Variants in NCAM2 observed in about 807,000 individuals in gnomAD.
NCAM2 encodes N-CAM-2.
A neutral mutation model predicts 98.1 loss-of-function variants in NCAM2; 30 were observed. The observed-to-expected ratio is 0.31, with a 90% CI of 0.23 to 0.41. NCAM2 has a LOEUF of 0.41. Among genes scored for constraint, NCAM2 ranks in the 10% least tolerant of loss-of-function variants. The pLI is 1.00. For synonymous variants in NCAM2, 368 were observed against 342.4 expected (o/e 1.07, Z -0.83); for missense variants, 867 against 1,005.8 (o/e 0.86, Z 1.87).
intron 6 of NCAM2, among the ~76,000 whole-genome samples, chr21:21,332,082 T>C (rs1367458408): frequency 6.6e-6 from 1 of 151,790 alleles, no homozygotes; most frequent in East Asian, 1.9e-4. Flanking sequence ...ATTTTGTACT[T>C]TTTGTAGAAA....
intron 10 of NCAM2, among the ~76,000 whole-genome samples, chr21:21,417,307 G>T (rs1449352737): frequency 1.3e-5 from 2 of 152,042 alleles, no homozygotes; most frequent in Admixed American, 1.3e-4. Flanking sequence ...TAAGGAAAAT[G>T]AATATTTTAA....
At chr21:21,520,831 G>A (rs1988974771) in intron 16 of NCAM2, among the ~76,000 whole-genome samples, 1 of 152,078 alleles carries the variant, frequency 6.6e-6, no homozygotes, top group South Asian at 2.1e-4. Context: ...TGTTATTGAT[G>A]AATTGGTAGA....
At chr21:21,159,576 A>G (rs2067718923) in intron 1 of NCAM2, among the ~76,000 whole-genome samples, 1 of 152,196 alleles carries the variant, frequency 6.6e-6, no homozygotes, top group Admixed American at 6.5e-5. Flanking sequence ...TTAGTATACT[A>G]ACATGCTATA....
At position 21,104,594 on chromosome 21, in the gene NCAM2, T is replaced by C. The variant is rs1342301520; in HGVS notation, c.55+105976T>C. Among the ~76,000 whole-genome samples, 3 of 152,112 alleles carry C rather than the reference T, an allele frequency of 2.0e-5. No homozygotes were observed. In the East Asian group the frequency reaches 5.8e-4, roughly 29 times the overall value. On this transcript the variant is annotated intron_variant, in intron 1 of 17. Coordinates refer to ENST00000400546, the MANE Select transcript of NCAM2 (RefSeq NM_004540.5). The stretch of plus-strand genomic sequence containing the variant: ...CAGAATTAGAGGGGTTAATTTTTTT[T>C]CGAAGAGGGTGCATTTAAGCTAATG...
At chr21:21,443,096 A>G (rs908801808) in intron 12 of NCAM2, among the ~76,000 whole-genome samples, 1 of 152,170 alleles carries the variant, frequency 6.6e-6, no homozygotes, top group Non-Finnish European at 1.5e-5. Context: ...ATATGCAGCC[A>G]TAAAAAAAGA....
In NCAM2 at chr21:21,443,576, G is replaced by T. The variant is rs555577008; in HGVS notation, c.1654+11295G>T. Among the ~76,000 whole-genome samples the T allele has an allele frequency of 2.6e-5, 4 of 152,030 alleles. No individual in the cohort carries two copies. The South Asian group carries it at 8.3e-4, about 32-fold the overall frequency. Reference sequence around the variant, plus strand: ...ATTTGGTCCAATGACATGAATCAATGACAGGTATTGCATTTTTCAAATGCT... The same window carrying T: ...ATTTGGTCCAATGACATGAATCAATTACAGGTATTGCATTTTTCAAATGCT... On this transcript the variant is annotated intron_variant, in intron 12 of 17. Transcript: ENST00000400546.
At chr21:21,487,342 A>G (rs946995397) in intron 15 of NCAM2, among the ~76,000 whole-genome samples, 1 of 152,132 alleles carries the variant, frequency 6.6e-6, no homozygotes, top group Non-Finnish European at 1.5e-5. Flanking sequence ...GGTAAGCAAG[A>G]CATAAAAATT....
intron 8 of NCAM2, among the ~76,000 whole-genome samples, chr21:21,338,884 C>T (rs1039785301): frequency 1.3e-5 from 2 of 151,994 alleles, no homozygotes; most frequent in African/African-American, 4.8e-5. Context: ...ATTCACTGAC[C>T]ATGAGAAAAG....
chr21:21,078,382 CTTTA>C (rs1240855430), intron 1 of NCAM2, among the ~76,000 whole-genome samples: 1 of 152,170 alleles, frequency 6.6e-6, no homozygotes, highest in African/African-American at 2.4e-5. Flanking sequence ...ACAAACACCT[CTTTA>C]TTTATTGGTG....
intron 4 of NCAM2, among the ~76,000 whole-genome samples, chr21:21,286,816 G>C (rs948390631): frequency 6.6e-6 from 1 of 151,878 alleles, no homozygotes; most frequent in Non-Finnish European, 1.5e-5. Context: ...GTCAAGAAAA[G>C]ATGAATACAT....
chr21:21,132,374 C>G (rs138196403), intron 1 of NCAM2, among the ~76,000 whole-genome samples: 98 of 143,600 alleles, frequency 6.8e-4, no homozygotes, highest in African/African-American at 2.5e-3. Context: ...AGATCCTGTA[C>G]TTAATCACAT....
At chr21:21,373,683 A>C (rs1422305275) in intron 8 of NCAM2, among the ~76,000 whole-genome samples, 180 bp from the exon 9 acceptor site, 1 of 151,756 alleles carries the variant, frequency 6.6e-6, no homozygotes, top group Non-Finnish European at 1.5e-5. Flanking sequence ...AGAATGTAAA[A>C]AGTGTGCTTT....
intron 12 of NCAM2, among the ~76,000 whole-genome samples, chr21:21,461,166 A>C (rs1982919359): frequency 1.3e-5 from 2 of 151,936 alleles, no homozygotes; most frequent in African/African-American, 4.8e-5. Flanking sequence ...AAAAAACGTC[A>C]GTTGAATTTT....
At chr21:21,192,079 C>T (rs1457679220) in intron 1 of NCAM2, among the ~76,000 whole-genome samples, 1 of 151,974 alleles carries the variant, frequency 6.6e-6, no homozygotes, top group Non-Finnish European at 1.5e-5. Context: ...AAAGATTATC[C>T]TGGCATGGTG....
chr21:21,474,313 AAAATGATGGAGGGCCCTTTAATTTATCAT>A (rs1984864980), intron 14 of NCAM2, among the ~76,000 whole-genome samples: 2 of 152,220 alleles, frequency 1.3e-5, no homozygotes, highest in South Asian at 4.1e-4. Flanking sequence ...CCAAATACTT[AAAATGATGGAGGGCCCTTTAATTTATCAT>A]ATTAAGGGCT....
intron 1 of NCAM2, among the ~76,000 whole-genome samples, chr21:21,257,128 C>G (rs1469325851): frequency 1.3e-5 from 2 of 152,146 alleles, no homozygotes; most frequent in South Asian, 4.1e-4. Context: ...CTATTTCAGT[C>G]TTTTTGATAA....
At chr21:21,199,246 G>A (rs2069121809) in intron 1 of NCAM2, among the ~76,000 whole-genome samples, 1 of 152,142 alleles carries the variant, frequency 6.6e-6, no homozygotes, top group African/African-American at 2.4e-5. Context: ...TTATAAAACA[G>A]TCAGAGAGCT....
intron 1 of NCAM2, among the ~76,000 whole-genome samples, chr21:21,056,472 C>G (rs2065211487): frequency 7.5e-6 from 1 of 133,248 alleles, no homozygotes; most frequent in South Asian, 2.6e-4. Flanking sequence ...CAGTTTAGAG[C>G]AAGTGACAGA....
At chr21:21,403,076 C>G (rs1222761173) in intron 9 of NCAM2, among the ~76,000 whole-genome samples, 1 of 152,010 alleles carries the variant, frequency 6.6e-6, no homozygotes, top group African/African-American at 2.4e-5. Context: ...TTTTAAAATA[C>G]CTGTTGGCCA....
Sources: allele counts gnomAD v4.1 joint callset (sites outside exome capture counted in the v4.1 genomes callset), GRCh38; gene constraint gnomAD v4.1.1; transcripts MANE v1.5; gene names NCBI Gene and HGNC (gene_info 2026-07-23, HGNC 2026-07-21).